Variants in KIAA0319L observed in about 807,000 individuals in gnomAD.
KIAA0319L encodes dyslexia-associated protein KIAA0319-like protein.
Under a neutral mutation model 120.1 loss-of-function variants are expected in KIAA0319L, and 55 were observed. The observed-to-expected ratio is 0.46, with a 90% CI of 0.37 to 0.57. KIAA0319L has a LOEUF of 0.57. KIAA0319L is among the 20% of genes least tolerant of loss of function. KIAA0319L has a pLI of 0.00. For missense variants in KIAA0319L, 1,049 were observed against 1,255.3 expected (o/e 0.84, Z 2.48); for synonymous variants, 398 against 471.9 (o/e 0.84, Z 2.03).
At chr1:35,484,785 TATATATATATATATA>T (rs1423790795) in intron 3 of KIAA0319L, among the ~76,000 whole-genome samples, 61 of 62,112 alleles carry the variant, frequency 9.8e-4, no homozygotes, top group African/African-American at 3.0e-3. Flanking sequence ...TATATATATA[TATATATATATATATA>T]TATATATTTT....
intron 1 of KIAA0319L, among the ~76,000 whole-genome samples, chr1:35,555,703 A>G (rs1334510452): frequency 6.6e-6 from 1 of 152,234 alleles, no homozygotes; most frequent in Non-Finnish European, 1.5e-5. Context: ...GGAACGAGTG[A>G]GTATGCATGT....
At chr1:35,522,446 A>C (rs562710315) in intron 2 of KIAA0319L, among the ~76,000 whole-genome samples, 1 of 151,678 alleles carries the variant, frequency 6.6e-6, no homozygotes, top group African/African-American at 2.4e-5. Context: ...CGCCCAGCTA[A>C]TTTTTGTATT....
intron 3 of KIAA0319L, among the ~76,000 whole-genome samples, chr1:35,503,438 C>T (rs1645081864): frequency 6.6e-6 from 1 of 152,206 alleles, no homozygotes; most frequent in Non-Finnish European, 1.5e-5. Flanking sequence ...TCAGAACATA[C>T]TCCAGACCTA....
At chr1:35,527,138 T>C (rs534612293) in intron 2 of KIAA0319L, among the ~76,000 whole-genome samples, 1 of 150,498 alleles carries the variant, frequency 6.6e-6, no homozygotes, top group South Asian at 2.1e-4. Context: ...TCTCTGCCTA[T>C]TGAGATAATC....
intron 5 of KIAA0319L, among the ~76,000 whole-genome samples, chr1:35,473,259 C>A (rs1409788859): frequency 6.6e-6 from 1 of 150,444 alleles, no homozygotes; most frequent in Non-Finnish European, 1.5e-5. Flanking sequence ...CCACACCCAG[C>A]TAATTTTTTT....
At chr1:35,477,573 A>G (rs963401244) in intron 4 of KIAA0319L, among the ~76,000 whole-genome samples, 12 of 150,384 alleles carry the variant, frequency 8.0e-5, no homozygotes, top group African/African-American at 2.7e-4. Flanking sequence ...AGGCTGAGGC[A>G]GGAGAATGGC....
chr1:35,515,462 T>C (rs1645643089), intron 2 of KIAA0319L, among the ~76,000 whole-genome samples: 1 of 152,154 alleles, frequency 6.6e-6, no homozygotes, highest in African/African-American at 2.4e-5. Context: ...TGAATGACTT[T>C]TGGGTAAATA....
chr1:35,459,615 T>C (rs981471317), intron 9 of KIAA0319L, among the ~76,000 whole-genome samples: 1 of 149,540 alleles, frequency 6.7e-6, no homozygotes, highest in Non-Finnish European at 1.5e-5. Context: ...AAAAAGAAAA[T>C]GTGCATTTAA....
intron 3 of KIAA0319L, among the ~76,000 whole-genome samples, chr1:35,490,938 G>A (rs1445066308): frequency 9.2e-5 from 14 of 152,162 alleles, no homozygotes; most frequent in Admixed American, 9.2e-4. Context: ...AGATTGTGCT[G>A]CTTCCCCTTT....
At chr1:35,463,736 T>A (rs953758134) in intron 7 of KIAA0319L, among the ~76,000 whole-genome samples, 1 of 152,222 alleles carries the variant, frequency 6.6e-6, no homozygotes, top group East Asian at 1.9e-4. Context: ...TGTACCACTG[T>A]TGATATGGTC....
intron 13 of KIAA0319L, among the ~76,000 whole-genome samples, chr1:35,451,100 G>A (rs1642027498): frequency 6.9e-6 from 1 of 145,420 alleles, no homozygotes; most frequent in Non-Finnish European, 1.5e-5. Flanking sequence ...TCAACTTAAG[G>A]CCCTCAACTT....
At chr1:35,443,354 AT>A (rs1641367648) in intron 17 of KIAA0319L, 2 of 230,800 alleles carry the variant, frequency 8.7e-6, no homozygotes, top group Non-Finnish European at 1.7e-5. Context: ...GAAGGCAATA[AT>A]TATATTAAAC....
At chr1:35,507,285 T>C (rs1243960423) in intron 2 of KIAA0319L, 150 bp from the exon 3 acceptor site, 1 of 641,762 alleles carries the variant, frequency 1.6e-6, no homozygotes, top group African/African-American at 1.9e-5. Flanking sequence ...ACAAAGGAAG[T>C]GAAAGAGAGT....
intron 2 of KIAA0319L, among the ~76,000 whole-genome samples, chr1:35,539,915 ACCC>A (rs1295469318): frequency 6.6e-6 from 1 of 152,024 alleles, no homozygotes; most frequent in South Asian, 2.1e-4. Context: ...AATCAATGTT[ACCC>A]CCCACTCCAT....
chr1:35,440,669 C>T (rs1641138112), intron 20 of KIAA0319L: 2 of 200,366 alleles, frequency 1.0e-5, no homozygotes, highest in South Asian at 1.2e-4. Flanking sequence ...CAGACACGGG[C>T]CTGGGTCTCA....
intron 8 of KIAA0319L, among the ~76,000 whole-genome samples, 197 bp from the exon 9 acceptor site, chr1:35,460,634 T>C (rs1642824828): frequency 6.6e-6 from 1 of 152,156 alleles, no homozygotes; most frequent in Non-Finnish European, 1.5e-5. Flanking sequence ...TACTGTGTAG[T>C]TTTCCAAGAA....
intron 20 of KIAA0319L, chr1:35,439,691 G>A (rs983736825): frequency 6.6e-6 from 1 of 152,352 alleles, no homozygotes; most frequent in Non-Finnish European, 1.5e-5. Context: ...GCTGCTTTGG[G>A]AGGCTGAAGC....
chr1:35,502,300 A>C (rs1040985649), intron 3 of KIAA0319L, among the ~76,000 whole-genome samples: 17 of 151,908 alleles, frequency 1.1e-4, no homozygotes, highest in Non-Finnish European at 1.6e-4. Flanking sequence ...GAAAAAAAAA[A>C]CAGGAACAGT....
chr1:35,487,537 C>T (rs1348412884), intron 3 of KIAA0319L, among the ~76,000 whole-genome samples: 2 of 152,162 alleles, frequency 1.3e-5, no homozygotes, highest in African/African-American at 2.4e-5. Flanking sequence ...TAAGGCACCA[C>T]GCCCAGCCTG....
Sources: allele counts gnomAD v4.1 joint callset (sites outside exome capture counted in the v4.1 genomes callset), GRCh38; gene constraint gnomAD v4.1.1; transcripts MANE v1.5; gene names NCBI Gene and HGNC (gene_info 2026-07-23, HGNC 2026-07-21).